Variants in FOXO3 observed in about 807,000 individuals in gnomAD.
FOXO3 encodes forkhead box protein O3.
FOXO3 carries 4 observed loss-of-function variants against 41.9 expected under a neutral mutation model. The observed-to-expected ratio is 0.10, with a 90% confidence interval of 0.05 to 0.22. The LOEUF is 0.22. Ranked by LOEUF, FOXO3 falls within the 10% of genes least tolerant of loss-of-function variation. The probability of loss-of-function intolerance (pLI) is 1.00; values close to 1 mark genes in which losing one functional copy is unlikely to be tolerated. For synonymous variants in FOXO3, 318 were observed against 389.3 expected, an observed-to-expected ratio of 0.82 and a Z score of 2.16; for missense variants, 534 against 906.8, an observed-to-expected ratio of 0.59 and a Z score of 5.28.
Position 108,675,489 on chromosome 6 carries a change from G to C in FOXO3, c.*35-4338G>C, listed in dbSNP as rs530413455. Among the ~76,000 whole-genome samples, 9 of 152,338 alleles carry C rather than the reference G, an allele frequency of 5.9e-5. No individual in the cohort carries two copies. The South Asian group carries it at 1.9e-3, about 32-fold the overall frequency. ...GGCAGCCTTTACACAAGTCAAGCTT[G>C]TGTTTTACACCCTGTCTTCCTGGAG... is the stretch of plus-strand genomic sequence containing the variant. On this transcript the variant is annotated intron_variant, in intron 2 of 2. Transcript: ENST00000406360.
intron 2 of FOXO3, among the ~76,000 whole-genome samples, chr6:108,666,365 T>C (rs1233288562): frequency 6.6e-6 from 1 of 152,174 alleles, no homozygotes; most frequent in East Asian, 1.9e-4. Flanking sequence ...AGATGGAGTC[T>C]TGCTCTGTCT....
intron 2 of FOXO3, among the ~76,000 whole-genome samples, chr6:108,676,615 G>A (rs1407607133): frequency 3.3e-5 from 5 of 152,156 alleles, no homozygotes; most frequent in East Asian, 1.9e-4. Flanking sequence ...CTAAATAACC[G>A]TATAACTAAA....
At chr6:108,576,165 C>G (rs1197749651) in intron 1 of FOXO3, among the ~76,000 whole-genome samples, 1 of 152,158 alleles carries the variant, frequency 6.6e-6, no homozygotes, top group Non-Finnish European at 1.5e-5. Flanking sequence ...AAGTTTACAG[C>G]CTTCTTTTTG....
At chr6:108,562,741 T>C (rs372515741) in intron 1 of FOXO3, among the ~76,000 whole-genome samples, 40 of 152,310 alleles carry the variant, frequency 2.6e-4, no homozygotes, top group African/African-American at 9.6e-4. Context: ...TATCATCCTC[T>C]TGGGGCACGG....
intron 1 of FOXO3, among the ~76,000 whole-genome samples, chr6:108,569,739 A>G (rs1776039980): frequency 6.6e-6 from 1 of 152,120 alleles, no homozygotes; most frequent in African/African-American, 2.4e-5. Flanking sequence ...ACTGCAGTGG[A>G]GAGGTGAGCA....
At chr6:108,560,807 C>A (rs1582719515), upstream of FOXO3, 1 of 405,386 alleles carries the variant, frequency 2.5e-6, no homozygotes, top group East Asian at 4.4e-5. Flanking sequence ...CTTCTCCCCG[C>A]CCCGCCGCCT....
At chr6:108,635,667 A>G (rs749638086) in intron 1 of FOXO3, among the ~76,000 whole-genome samples, 1 of 152,188 alleles carries the variant, frequency 6.6e-6, no homozygotes, top group Non-Finnish European at 1.5e-5. Flanking sequence ...CTGTCATAGC[A>G]TTGCACCTTG....
intron 1 of FOXO3, among the ~76,000 whole-genome samples, chr6:108,583,698 C>G (rs1327583907): frequency 6.6e-6 from 1 of 152,182 alleles, no homozygotes; most frequent in African/African-American, 2.4e-5. Context: ...TTGGCAGTCT[C>G]TGGAATAAGG....
intron 1 of FOXO3, among the ~76,000 whole-genome samples, chr6:108,658,705 T>G (rs987850420): frequency 6.6e-6 from 1 of 152,072 alleles, no homozygotes; most frequent in Non-Finnish European, 1.5e-5. Context: ...ATTACAGGTG[T>G]GAGCCACCGT....
At chr6:108,608,071 A>G (rs1281984645) in intron 1 of FOXO3, among the ~76,000 whole-genome samples, 4 of 152,206 alleles carry the variant, frequency 2.6e-5, no homozygotes, top group African/African-American at 9.7e-5. Context: ...ATATAATGGT[A>G]GAGTTGAAAG....
chr6:108,612,700 A>T (rs528620713), intron 1 of FOXO3, among the ~76,000 whole-genome samples: 71 of 152,136 alleles, frequency 4.7e-4, no homozygotes, highest in Admixed American at 3.5e-3. Context: ...ATAAAAAAAA[A>T]ATTTTTTTTC....
rs1391554947 is a variant in FOXO3, at chr6:108,681,735, TC to T, written c.*1944del. 5.2e-5 allele frequency: 8 copies of T among 152,648 alleles called. No individual in the cohort carries two copies. Among genetic ancestry groups the T allele is most frequent in the African/African-American group, 1.9e-4 (8 of 41,570 alleles). 9.5% of individuals were successfully genotyped at this position (152,648 alleles called of 1,614,324 possible). ...TTTCTAAACTGCTACATGTTTATAA[TC>T]TTCATTTTTAAAGTATGTGTAATTT... On this transcript the variant is annotated 3_prime_UTR_variant, in exon 3 of 3. Coordinates refer to ENST00000406360, the MANE Select transcript of FOXO3 (RefSeq NM_001455.4).
At chr6:108,583,462 G>A (rs776912980) in intron 1 of FOXO3, among the ~76,000 whole-genome samples, 3 of 152,332 alleles carry the variant, frequency 2.0e-5, no homozygotes, top group Non-Finnish European at 4.4e-5. Flanking sequence ...ATTAGTTACT[G>A]TGTGCCAGAG....
intron 1 of FOXO3, among the ~76,000 whole-genome samples, chr6:108,640,175 G>A (rs905135522): frequency 6.6e-6 from 1 of 152,206 alleles, no homozygotes; most frequent in African/African-American, 2.4e-5. Context: ...GGAAGGAGGG[G>A]CAGTGCTCCC....
At chr6:108,641,297 T>C (rs1778251094) in intron 1 of FOXO3, among the ~76,000 whole-genome samples, 1 of 152,204 alleles carries the variant, frequency 6.6e-6, no homozygotes. Context: ...ACTGATTTTA[T>C]TTAAAATATT....
At chr6:108,617,135 T>A (rs929209874) in intron 1 of FOXO3, among the ~76,000 whole-genome samples, 44 of 152,214 alleles carry the variant, frequency 2.9e-4, no homozygotes, top group Admixed American at 2.8e-3. Context: ...TGTCTTTGGG[T>A]ATATGCCTAG....
At chr6:108,603,491 T>G (rs1554213660) in intron 1 of FOXO3, among the ~76,000 whole-genome samples, 1 of 152,226 alleles carries the variant, frequency 6.6e-6, no homozygotes, top group Non-Finnish European at 1.5e-5. Flanking sequence ...CTCCTTTTTT[T>G]CCTTGTCATA....
rs527369057 is a variant in FOXO3, at chr6:108,589,586, C to T, written c.621+27757C>T. ...GCCTTTTCCGGGTTTCCAGTGCAGA[C>T]TTGCAGGTCCACTCCCCTGCAGCCT... On this transcript the variant is annotated intron_variant, in intron 1 of 2. Coordinates refer to ENST00000406360, the MANE Select transcript of FOXO3 (RefSeq NM_001455.4). Among the ~76,000 whole-genome samples, 9 of 152,330 alleles carry T rather than the reference C, an allele frequency of 5.9e-5. No individual in the cohort carries two copies. In the South Asian group the frequency reaches 1.4e-3, roughly 25 times the overall value.
chr6:108,598,337 A>G (rs1215548082), intron 1 of FOXO3, among the ~76,000 whole-genome samples: 1 of 152,186 alleles, frequency 6.6e-6, no homozygotes, highest in African/African-American at 2.4e-5. Flanking sequence ...GGATTAGCTG[A>G]ATTCTGCTGA....
Sources: gnomAD v4.1 joint callset for allele counts (sites outside exome capture counted in the v4.1 genomes callset) on GRCh38, gnomAD v4.1.1 for gene constraint, MANE v1.5 for transcripts, NCBI Gene and HGNC (gene_info 2026-07-23, HGNC 2026-07-21) for gene names.